The following LRP1B variants were observed in gnomAD, a reference collection of about 807,000 sequenced individuals.
LRP1B encodes the protein LDL receptor related protein 1B.
A neutral mutation model predicts 556.6 loss-of-function variants in LRP1B; 217 were observed. That is an observed-to-expected ratio of 0.39 (90% CI 0.35 to 0.44). The LOEUF is 0.44. Among genes scored for constraint, LRP1B ranks in the 20% least tolerant of loss-of-function variants. The pLI is 1.00. For synonymous variants in LRP1B, 2,047 were observed against 1,865.8 expected, an observed-to-expected ratio of 1.10 and a Z score of -2.50; for missense variants, 5,053 against 5,620.8, an observed-to-expected ratio of 0.90 and a Z score of 3.23.
intron 83 of LRP1B, among the ~76,000 whole-genome samples, chr2:140,300,298 GT>G (rs1683765768): frequency 6.6e-6 from 1 of 152,052 alleles, no homozygotes; most frequent in Non-Finnish European, 1.5e-5. Flanking sequence ...CTGATCTTTT[GT>G]TTTCTGATGG....
chr2:141,414,152 G>A (rs1690979367), intron 3 of LRP1B, among the ~76,000 whole-genome samples: 1 of 151,240 alleles, frequency 6.6e-6, no homozygotes, highest in South Asian at 2.1e-4. Flanking sequence ...CAGGAGAATG[G>A]CGTGAACCCG....
chr2:142,071,888 G>A (rs1036608936), intron 1 of LRP1B, among the ~76,000 whole-genome samples: 1 of 151,928 alleles, frequency 6.6e-6, no homozygotes, highest in Non-Finnish European at 1.5e-5. Context: ...TTTAAATCCA[G>A]TATGCCCAAA....
intron 2 of LRP1B, among the ~76,000 whole-genome samples, chr2:141,683,634 G>A (rs1684267958): frequency 6.6e-6 from 1 of 152,016 alleles, no homozygotes; most frequent in African/African-American, 2.4e-5. Context: ...GTTGCCTATT[G>A]TAAAATGCAA....
chr2:141,612,210 A>T (rs969289783), intron 2 of LRP1B, among the ~76,000 whole-genome samples: 1 of 152,204 alleles, frequency 6.6e-6, no homozygotes, highest in African/African-American at 2.4e-5. Context: ...GGATCAGAAG[A>T]TTCCAAAGTT....
intron 41 of LRP1B, 52 bp from the exon 42 acceptor site, chr2:140,601,691 A>C (rs1194953959): frequency 1.5e-6 from 2 of 1,314,786 alleles, no homozygotes; most frequent in Admixed American, 4.8e-5. Flanking sequence ...CAAAAAAATG[A>C]CTTCTGGACA....
At chr2:140,803,174 C>T (rs550881271) in intron 32 of LRP1B, among the ~76,000 whole-genome samples, 35 of 150,666 alleles carry the variant, frequency 2.3e-4, no homozygotes, top group Non-Finnish European at 3.7e-4. Context: ...AATGCCATGG[C>T]ATTATCTTAC....
intron 32 of LRP1B, among the ~76,000 whole-genome samples, chr2:140,802,226 C>T (rs563240058): frequency 1.3e-5 from 2 of 152,072 alleles, no homozygotes; most frequent in African/African-American, 4.8e-5. Flanking sequence ...TCATTTTTGG[C>T]TATCAAAATC....
intron 2 of LRP1B, among the ~76,000 whole-genome samples, chr2:141,580,473 G>C (rs542104600): frequency 6.6e-6 from 1 of 152,284 alleles, no homozygotes; most frequent in Non-Finnish European, 1.5e-5. Flanking sequence ...GGGAATTCTG[G>C]TGTGGACTGA....
intron 17 of LRP1B, 57 bp downstream of exon 17, chr2:140,989,475 T>C: frequency 6.3e-7 from 1 of 1,599,692 alleles, no homozygotes; most frequent in South Asian, 1.1e-5. Flanking sequence ...TTTACTTGCA[T>C]TTTTATTAAG....
In LRP1B at chr2:140,770,326, C is replaced by A. The variant is rs189550067; in HGVS notation, c.5626+555G>T. ...TCAAATAAGATTGGAACATTTTTAACGATAAAAATTAACCTATGATCATTA... is the reference window on the plus strand; with the variant it reads ...TCAAATAAGATTGGAACATTTTTAAAGATAAAAATTAACCTATGATCATTA... On this transcript the variant is annotated intron_variant, in intron 34 of 90. Coordinates refer to ENST00000389484, the MANE Select transcript of LRP1B (RefSeq NM_018557.3). 1.4e-4 allele frequency among the ~76,000 whole-genome samples: 21 copies of A among 151,800 alleles called. 1 individual carries two copies. Among genetic ancestry groups the A allele is most frequent in the Admixed American group, 1.1e-3 (17 of 15,212 alleles).
chr2:140,771,323 C>T lies in LRP1B; in HGVS notation c.5501-317G>A, dbSNP rs1471416069. On this transcript the variant is annotated intron_variant, in intron 33 of 90. Coordinates refer to ENST00000389484, the MANE Select transcript of LRP1B (RefSeq NM_018557.3). Reference sequence around the variant, plus strand: ...AGATCAGAGAAACCAGCATCTTTTTCTCTTTTGATTTTTAAATTTTACTTC... The same window carrying T: ...AGATCAGAGAAACCAGCATCTTTTTTTCTTTTGATTTTTAAATTTTACTTC... Among the ~76,000 whole-genome samples the T allele has an allele frequency of 2.6e-5, 4 of 151,998 alleles. No individual in the cohort carries two copies. In the East Asian group the frequency reaches 7.7e-4, roughly 29 times the overall value.
At chr2:140,381,861 C>CAA (rs56723132) in intron 67 of LRP1B, among the ~76,000 whole-genome samples, 233 of 62,670 alleles carry the variant, frequency 3.7e-3, no homozygotes, top group East Asian at 5.5e-3. Context: ...GGCTCCCTTT[C>CAA]AAAAAAAAAA....
At chr2:140,729,535 A>C (rs913819296) in intron 35 of LRP1B, among the ~76,000 whole-genome samples, 4 of 152,178 alleles carry the variant, frequency 2.6e-5, no homozygotes, top group African/African-American at 7.2e-5. Flanking sequence ...TTCAGGAAAA[A>C]AAATACACAA....
At chr2:141,946,744 G>A (rs530766983) in intron 1 of LRP1B, among the ~76,000 whole-genome samples, 1 of 152,214 alleles carries the variant, frequency 6.6e-6, no homozygotes, top group Non-Finnish European at 1.5e-5. Flanking sequence ...GTGAAACAAT[G>A]GCCTTTTAGT....
intron 2 of LRP1B, among the ~76,000 whole-genome samples, chr2:141,510,744 TG>T (rs1229544344): frequency 1.3e-5 from 2 of 152,130 alleles, no homozygotes; most frequent in Non-Finnish European, 2.9e-5. Context: ...TCCATCATGT[TG>T]CCTGCTCAGT....
At chr2:141,432,604 G>T (rs1467834927) in intron 3 of LRP1B, among the ~76,000 whole-genome samples, 1 of 151,710 alleles carries the variant, frequency 6.6e-6, no homozygotes, top group African/African-American at 2.4e-5. Flanking sequence ...AACCTCTTTA[G>T]TCTATTCAGA....
At chr2:140,516,860 C>CA (rs1689925088) in intron 50 of LRP1B, 29 bp downstream of exon 50, 1 of 1,610,076 alleles carries the variant, frequency 6.2e-7, no homozygotes. Context: ...GTAAGGTTAA[C>CA]AAAAACTAAG....
intron 18 of LRP1B, among the ~76,000 whole-genome samples, chr2:140,952,376 C>G (rs1695742350): frequency 6.6e-6 from 1 of 151,846 alleles, no homozygotes; most frequent in Non-Finnish European, 1.5e-5. Context: ...TCAGATCTCA[C>G]TCTGCGTCTG....
chr2:141,415,290 G>C (rs770300491), intron 3 of LRP1B, among the ~76,000 whole-genome samples: 1 of 152,200 alleles, frequency 6.6e-6, no homozygotes. Flanking sequence ...TGGGATTACA[G>C]GCGTGAGCCA....
Sources: gnomAD v4.1 joint callset for allele counts (sites outside exome capture counted in the v4.1 genomes callset) on GRCh38, gnomAD v4.1.1 for gene constraint, MANE v1.5 for transcripts, NCBI Gene and HGNC (gene_info 2026-07-23, HGNC 2026-07-21) for gene names.